The following LPP variants were observed in gnomAD, a reference collection of about 807,000 sequenced individuals.
LPP encodes lipoma-preferred partner.
A neutral mutation model predicts 60.4 loss-of-function variants in LPP; 38 were observed. The ratio of observed to expected loss-of-function variants is 0.63; its 90% CI spans 0.49 to 0.83. The LOEUF (loss-of-function observed/expected upper bound fraction) is 0.83, where lower values mean the gene tolerates loss of function less well. Among genes scored for constraint, LPP ranks in the 40% least tolerant of loss-of-function variants. The pLI is 0.00. For synonymous variants in LPP, 328 were observed against 290.8 expected (o/e 1.13, Z -1.30); for missense variants, 902 against 783.6 (o/e 1.15, Z -1.80).
chr3:188,329,948 A>G (rs1560256568), intron 2 of LPP, among the ~76,000 whole-genome samples: 1 of 152,170 alleles, frequency 6.6e-6, no homozygotes, highest in Non-Finnish European at 1.5e-5. Flanking sequence ...CATCCTTTAT[A>G]TCACTATAAC....
At chr3:188,757,004 G>A (rs1215962205) in intron 8 of LPP, among the ~76,000 whole-genome samples, 16 of 152,186 alleles carry the variant, frequency 1.1e-4, no homozygotes, top group Admixed American at 7.2e-4. Context: ...CATTCTCTCC[G>A]TGAGGGAAAA....
chr3:188,792,521 A>G (rs1744093412), intron 9 of LPP, among the ~76,000 whole-genome samples: 1 of 152,164 alleles, frequency 6.6e-6, no homozygotes, highest in Non-Finnish European at 1.5e-5. Flanking sequence ...CTCTTCTCTC[A>G]AAGGGCTGCT....
At position 188,487,264 on chromosome 3, in the gene LPP, G is replaced by C. The variant is rs1183278504; in HGVS notation, c.306+2560G>C. 7.9e-5 allele frequency among the ~76,000 whole-genome samples: 12 copies of C among 152,254 alleles called. No individual in the cohort carries two copies. In the East Asian group the frequency reaches 1.9e-3, roughly 25 times the overall value. On this transcript the variant is annotated intron_variant, in intron 5 of 11. Transcript: ENST00000617246. ...GATTTGAAAGTATTAAACTGAAAGGGCTATACAAATATTTTGATGTTATAT... is the reference window on the plus strand; with the variant it reads ...GATTTGAAAGTATTAAACTGAAAGGCCTATACAAATATTTTGATGTTATAT...
At chr3:188,590,617 C>A (rs948930278) in intron 6 of LPP, among the ~76,000 whole-genome samples, 1 of 152,080 alleles carries the variant, frequency 6.6e-6, no homozygotes, top group Admixed American at 6.6e-5. Context: ...TTTCACTTCA[C>A]CCTTTATTAT....
chr3:188,673,264 C>T (rs1169107533), intron 7 of LPP, among the ~76,000 whole-genome samples: 2 of 151,640 alleles, frequency 1.3e-5, no homozygotes, highest in Non-Finnish European at 2.9e-5. Context: ...CTCTGAGGGC[C>T]CTGTGAGCTT....
At chr3:188,706,825 G>C (rs1865570840) in intron 7 of LPP, among the ~76,000 whole-genome samples, 1 of 152,106 alleles carries the variant, frequency 6.6e-6, no homozygotes, top group African/African-American at 2.4e-5. Flanking sequence ...TAAATATCAA[G>C]GCAAGAGCAT....
At chr3:188,287,717 G>A (rs1046911794) in intron 2 of LPP, among the ~76,000 whole-genome samples, 1 of 152,176 alleles carries the variant, frequency 6.6e-6, no homozygotes, top group Admixed American at 6.5e-5. Flanking sequence ...TCTCTGGCAA[G>A]AAGCTAAGTA....
intron 8 of LPP, among the ~76,000 whole-genome samples, chr3:188,736,703 C>T (rs1450870062): frequency 6.6e-6 from 1 of 151,374 alleles, no homozygotes; most frequent in Non-Finnish European, 1.5e-5. Context: ...ATGGATTTAT[C>T]AGTAATAGAT....
chr3:188,803,201 C>A (rs1577659360), intron 9 of LPP, among the ~76,000 whole-genome samples: 1 of 152,044 alleles, frequency 6.6e-6, no homozygotes, highest in Non-Finnish European at 1.5e-5. Context: ...TGCACCACCA[C>A]AGAGAGCAAT....
intron 5 of LPP, among the ~76,000 whole-genome samples, chr3:188,503,097 G>A (rs1275482389): frequency 6.6e-6 from 1 of 151,288 alleles, no homozygotes. Flanking sequence ...ATTTTTTGTA[G>A]TAAAATATTT....
At chr3:188,181,368 AAAG>A (rs1461673070) in intron 1 of LPP, among the ~76,000 whole-genome samples, 6 of 151,766 alleles carry the variant, frequency 4.0e-5, no homozygotes, top group South Asian at 2.1e-4. Flanking sequence ...AAAAAAAAAA[AAAG>A]AAGAAGAAAA....
intron 6 of LPP, among the ~76,000 whole-genome samples, chr3:188,525,322 T>C (rs1262305517): frequency 6.6e-6 from 1 of 152,234 alleles, no homozygotes; most frequent in East Asian, 1.9e-4. Context: ...TTTTATTTAA[T>C]ATCAACATGT....
intron 7 of LPP, among the ~76,000 whole-genome samples, chr3:188,687,075 G>T (rs1860912278): frequency 6.6e-6 from 1 of 152,204 alleles, no homozygotes; most frequent in Non-Finnish European, 1.5e-5. Context: ...TGCTGTGCTT[G>T]TGTATGAGTC....
At chr3:188,272,904 C>T (rs1738296977) in intron 2 of LPP, among the ~76,000 whole-genome samples, 1 of 152,150 alleles carries the variant, frequency 6.6e-6, no homozygotes, top group South Asian at 2.1e-4. Flanking sequence ...CCTTTAACAC[C>T]TATTAACTTG....
intron 5 of LPP, among the ~76,000 whole-genome samples, chr3:188,497,636 G>T (rs1466544606): frequency 6.6e-6 from 1 of 152,142 alleles, no homozygotes; most frequent in African/African-American, 2.4e-5. Context: ...TAGAGTGTCT[G>T]GCCAGCTAGA....
intron 2 of LPP, among the ~76,000 whole-genome samples, chr3:188,279,354 A>AC (rs1174273958): frequency 6.6e-6 from 1 of 151,904 alleles, no homozygotes; most frequent in Non-Finnish European, 1.5e-5. Context: ...GTCCCTTTAG[A>AC]CCCCCCATTG....
At chr3:188,765,530 C>G (rs1733752747) in intron 9 of LPP, among the ~76,000 whole-genome samples, 1 of 152,226 alleles carries the variant, frequency 6.6e-6, no homozygotes, top group South Asian at 2.1e-4. Flanking sequence ...TTGTTGCATG[C>G]TGTCATACCT....
intron 9 of LPP, among the ~76,000 whole-genome samples, chr3:188,845,542 C>A (rs1409503070): frequency 6.6e-6 from 1 of 151,858 alleles, no homozygotes; most frequent in African/African-American, 2.4e-5. Context: ...GTGTAGATTG[C>A]CTGTGATTTG....
chr3:188,216,192 G>A (rs1713493040), intron 1 of LPP, among the ~76,000 whole-genome samples: 1 of 151,420 alleles, frequency 6.6e-6, no homozygotes, highest in Non-Finnish European at 1.5e-5. Context: ...TAATATTTTA[G>A]TAATTATTAA....
Sources: allele counts gnomAD v4.1 joint callset (sites outside exome capture counted in the v4.1 genomes callset), GRCh38; gene constraint gnomAD v4.1.1; transcripts MANE v1.5; gene names NCBI Gene and HGNC (gene_info 2026-07-23, HGNC 2026-07-21).